EYA2: variants seen among roughly 807,000 people sequenced by gnomAD.
EYA2 encodes the protein EYA transcriptional coactivator and phosphatase 2, also known as protein phosphatase EYA2.
A neutral mutation model predicts 69.2 loss-of-function variants in EYA2; 31 were observed. The observed-to-expected ratio is 0.45, with a 90% CI of 0.34 to 0.60. The LOEUF (loss-of-function observed/expected upper bound fraction) is 0.60, where lower values mean the gene tolerates loss of function less well. EYA2 is among the 20% of genes least tolerant of loss of function. The pLI is 0.02. For missense variants in EYA2, 622 were observed against 701.2 expected, an observed-to-expected ratio of 0.89 and a Z score of 1.28; for synonymous variants, 257 against 279.4, an observed-to-expected ratio of 0.92 and a Z score of 0.80.
At chr20:46,987,471 A>G (rs1285974184) in intron 1 of EYA2, among the ~76,000 whole-genome samples, 1 of 152,174 alleles carries the variant, frequency 6.6e-6, no homozygotes, top group African/African-American at 2.4e-5. Context: ...CCCAGGTGCC[A>G]CTTCCAAAAT....
intron 5 of EYA2, among the ~76,000 whole-genome samples, chr20:47,026,475 C>T (rs145972892): frequency 0.01 from 1,481 of 147,266 alleles, 19 homozygotes; most frequent in African/African-American, 0.034. Flanking sequence ...CACCAGAAGT[C>T]AAAACAACAA....
At chr20:46,960,900 G>A (rs1392329468) in intron 1 of EYA2, among the ~76,000 whole-genome samples, 4 of 152,118 alleles carry the variant, frequency 2.6e-5, no homozygotes, top group Non-Finnish European at 2.9e-5. Flanking sequence ...GAACGTAAAC[G>A]AGTGGGCATT....
chr20:46,922,180 A>G (rs1033081938), intron 1 of EYA2, among the ~76,000 whole-genome samples: 2 of 152,232 alleles, frequency 1.3e-5, no homozygotes, highest in African/African-American at 4.8e-5. Context: ...TTTAATACCC[A>G]GGACATCATC....
intron 2 of EYA2, among the ~76,000 whole-genome samples, chr20:46,999,771 G>C (rs922415106): frequency 1.3e-5 from 2 of 152,152 alleles, no homozygotes; most frequent in South Asian, 2.1e-4. Flanking sequence ...ACAGCTTTTG[G>C]GTTCAAGTCC....
chr20:47,099,311 G>A (rs868382247), intron 9 of EYA2, among the ~76,000 whole-genome samples: 6 of 152,240 alleles, frequency 3.9e-5, no homozygotes, highest in South Asian at 2.1e-4. Flanking sequence ...TCGGGAGGCC[G>A]AAGTGAGAGG....
intron 1 of EYA2, among the ~76,000 whole-genome samples, chr20:46,943,201 G>T (rs1309379770): frequency 6.6e-6 from 1 of 152,224 alleles, no homozygotes; most frequent in East Asian, 1.9e-4. Context: ...CGCCTAGTGG[G>T]TAGAGGTCAG....
At chr20:46,927,722 A>G (rs903592813) in intron 1 of EYA2, among the ~76,000 whole-genome samples, 1 of 152,164 alleles carries the variant, frequency 6.6e-6, no homozygotes, top group Non-Finnish European at 1.5e-5. Flanking sequence ...TATGGGAGCT[A>G]CAGTTCAAGA....
chr20:47,089,796 T>G (rs2032017502), intron 8 of EYA2, among the ~76,000 whole-genome samples: 1 of 152,142 alleles, frequency 6.6e-6, no homozygotes, highest in Non-Finnish European at 1.5e-5. Flanking sequence ...CCAGCTGGGT[T>G]AAAGTGGTTC....
At chr20:47,120,938 C>T (rs1361531535) in intron 9 of EYA2, among the ~76,000 whole-genome samples, 1 of 152,166 alleles carries the variant, frequency 6.6e-6, no homozygotes, top group East Asian at 1.9e-4. Context: ...AGTGTTCCCT[C>T]CTCATTAGTT....
At chr20:46,939,900 ATATAT>A (rs1471900467) in intron 1 of EYA2, among the ~76,000 whole-genome samples, 2 of 152,218 alleles carry the variant, frequency 1.3e-5, no homozygotes, top group Non-Finnish European at 2.9e-5. Context: ...TATGAAACAG[ATATAT>A]TATTAAGACA....
chr20:47,064,703 G>A (rs1368482565), intron 5 of EYA2, among the ~76,000 whole-genome samples: 1 of 152,144 alleles, frequency 6.6e-6, no homozygotes, highest in African/African-American at 2.4e-5. Flanking sequence ...TGAAGGAGCA[G>A]CAGTTTTCAG....
intron 8 of EYA2, chr20:47,096,059 A>G (rs2146516816): frequency 6.6e-6 from 1 of 152,248 alleles, no homozygotes; most frequent in African/African-American, 2.4e-5. Context: ...AAAAATTAAT[A>G]AATTCTGACA....
intron 1 of EYA2, among the ~76,000 whole-genome samples, chr20:46,942,233 A>G (rs1291272127): frequency 6.6e-6 from 1 of 151,824 alleles, no homozygotes; most frequent in Non-Finnish European, 1.5e-5. Flanking sequence ...CTTTAGACAA[A>G]GTCTCACTCT....
intron 9 of EYA2, among the ~76,000 whole-genome samples, chr20:47,135,139 A>AAC (rs1218751039): frequency 3.3e-5 from 5 of 150,824 alleles, no homozygotes; most frequent in Non-Finnish European, 7.4e-5. Context: ...AAAAAAAAAA[A>AAC]AAAAAAAAAA....
At chr20:47,117,061 GT>G (rs1248084961) in intron 9 of EYA2, among the ~76,000 whole-genome samples, 1 of 146,028 alleles carries the variant, frequency 6.8e-6, no homozygotes, top group African/African-American at 2.6e-5. Context: ...CGGTAGTGCA[GT>G]GGTGTAGTGG....
chr20:47,019,188 CCCCCACCTCAAT>C (rs1164363064), intron 5 of EYA2, among the ~76,000 whole-genome samples: 3 of 152,192 alleles, frequency 2.0e-5, no homozygotes, highest in Admixed American at 6.5e-5. Flanking sequence ...AGGGCCCCAC[CCCCCACCTCAAT>C]CCCCACCAGC....
At chr20:47,080,364 C>T (rs945368669) in intron 7 of EYA2, among the ~76,000 whole-genome samples, 1 of 149,120 alleles carries the variant, frequency 6.7e-6, no homozygotes, top group Non-Finnish European at 1.5e-5. Flanking sequence ...ACTTACAGCA[C>T]GAAATACCTG....
intron 7 of EYA2, among the ~76,000 whole-genome samples, chr20:47,079,382 T>A (rs1303916997): frequency 6.6e-6 from 1 of 152,186 alleles, no homozygotes; most frequent in Non-Finnish European, 1.5e-5. Flanking sequence ...CAGAGGAGAA[T>A]CACTTCCTTG....
At chr20:47,006,457 C>T (rs1423621063) in intron 4 of EYA2, among the ~76,000 whole-genome samples, 1 of 152,230 alleles carries the variant, frequency 6.6e-6, no homozygotes, top group Non-Finnish European at 1.5e-5. Flanking sequence ...CCTGACTTCG[C>T]TGCCCCTGAC....
Sources: gnomAD v4.1 joint callset for allele counts (sites outside exome capture counted in the v4.1 genomes callset) on GRCh38, gnomAD v4.1.1 for gene constraint, MANE v1.5 for transcripts, NCBI Gene and HGNC (gene_info 2026-07-23, HGNC 2026-07-21) for gene names.